Variants in CDC25A observed in about 807,000 individuals in gnomAD.
The protein encoded by CDC25A is cell division cycle 25A.
A neutral mutation model predicts 64.6 loss-of-function variants in CDC25A; 17 were observed. The observed-to-expected ratio is 0.26, with a 90% CI of 0.18 to 0.39. CDC25A has a LOEUF of 0.39. Among genes scored for constraint, CDC25A ranks in the 10% least tolerant of loss-of-function variants. The probability of loss-of-function intolerance (pLI) is 1.00; values close to 1 mark genes in which losing one functional copy is unlikely to be tolerated. For synonymous variants in CDC25A, 229 were observed against 238.6 expected (o/e 0.96, Z 0.37); for missense variants, 473 against 654.8 (o/e 0.72, Z 3.03).
chr3:48,186,587 A>T (rs2032852554), intron 2 of CDC25A, 116 bp downstream of exon 2: 3 of 597,640 alleles, frequency 5.0e-6, no homozygotes, highest in Admixed American at 3.1e-5. Flanking sequence ...AAAAAAAAAA[A>T]GTTTATCACC....
At position 48,158,787 on chromosome 3, in the gene CDC25A, A is replaced by G. The variant is rs2031629234; in HGVS notation, c.*158T>C. On this transcript the variant is annotated 3_prime_UTR_variant, in exon 15 of 15. Transcript: ENST00000302506. ...TAGCCAGCAAGATGCCCTGGGCTCC[A>G]ACCTTGGGAGTGTGGGAGGTAGGTT... is the stretch of plus-strand genomic sequence containing the variant. 8.1e-6 allele frequency: 7 copies of G among 861,200 alleles called. No homozygotes were observed. In the South Asian group the frequency reaches 1.2e-4, roughly 14 times the overall value. The allele number at this position is 861,200 out of a possible 1,614,324, so 53.3% of individuals were successfully genotyped here.
chr3:48,181,478 C>A, intron 5 of CDC25A: 1 of 759,274 alleles, frequency 1.3e-6, no homozygotes, highest in Non-Finnish European at 2.3e-6. Context: ...ATGGCTAGCA[C>A]TGGCGTGGGT....
chr3:48,180,713 G>T lies in CDC25A; in HGVS notation c.549+8C>A. On this transcript the variant is annotated splice_region_variant and intron_variant, in intron 6 of 14. Transcript: ENST00000302506. Reference sequence around the variant, plus strand: ...CAGGAATTCCCCTATGAAAGCCAGAGCACATACCATCCGAGCTGGGGCAGA... The same window carrying T: ...CAGGAATTCCCCTATGAAAGCCAGATCACATACCATCCGAGCTGGGGCAGA... The T allele has an allele frequency of 6.2e-7, 1 of 1,613,764 alleles. No homozygotes were observed. The highest frequency in any genetic ancestry group is 8.5e-7 in the Non-Finnish European group (1 of 1,179,766).
At chr3:48,165,350 C>T (rs921093389) in intron 12 of CDC25A, among the ~76,000 whole-genome samples, 1 of 151,950 alleles carries the variant, frequency 6.6e-6, no homozygotes, top group East Asian at 1.9e-4. Context: ...TCTTGTCCCC[C>T]GAATGACTTA....
chr3:48,167,955 TCAAA>T lies in CDC25A; in HGVS notation c.931-15_931-12del. On this transcript the variant is annotated splice_polypyrimidine_tract_variant and intron_variant, in intron 9 of 14. Transcript: ENST00000302506. Reference sequence around the variant, plus strand: ...AGACTGATGAAGAGTCTGTAACAAATCAAAGGTAGAGAATGAGACAAGGGTTCTG... The same window carrying T: ...AGACTGATGAAGAGTCTGTAACAAATGGTAGAGAATGAGACAAGGGTTCTG... 6.6e-7 allele frequency: 1 copy of T among 1,507,122 alleles called. No homozygotes were observed. Among genetic ancestry groups the T allele is most frequent in the Non-Finnish European group, 9.2e-7 (1 of 1,082,922 alleles). The allele number at this position is 1,507,122 out of a possible 1,614,324, so 93.4% of individuals were successfully genotyped here. A position where few individuals can be genotyped will look rare whatever the true frequency, so the allele number is the denominator to read the frequency against.
At chr3:48,162,297 T>TGTGAGAGA (rs1003124398) in intron 13 of CDC25A, among the ~76,000 whole-genome samples, 2 of 149,730 alleles carry the variant, frequency 1.3e-5, no homozygotes, top group African/African-American at 4.9e-5. Flanking sequence ...TGTGTGTGTG[T>TGTGAGAGA]GAGAGAGAGA....
intron 13 of CDC25A, among the ~76,000 whole-genome samples, chr3:48,163,465 G>A (rs919904524): frequency 1.3e-5 from 2 of 151,898 alleles, no homozygotes; most frequent in Non-Finnish European, 2.9e-5. Context: ...TTAGCCGGGC[G>A]TGATGGCGCA....
chr3:48,164,228 G>C, intron 13 of CDC25A, 79 bp downstream of exon 13: 1 of 1,357,160 alleles, frequency 7.4e-7, no homozygotes, highest in Admixed American at 2.8e-5. Context: ...TATGCTCCAA[G>C]TGCAAGCCAC....
intron 5 of CDC25A, among the ~76,000 whole-genome samples, chr3:48,181,176 T>G (rs3731506): frequency 1.1e-3 from 171 of 152,256 alleles, no homozygotes; most frequent in African/African-American, 4.0e-3. Context: ...GTTGTCAAAA[T>G]TTTCCATCTA....
intron 8 of CDC25A, among the ~76,000 whole-genome samples, chr3:48,177,010 TGTGA>T (rs913277884): frequency 6.6e-5 from 10 of 151,704 alleles, no homozygotes; most frequent in Admixed American, 2.0e-4. Flanking sequence ...AAAAAAATCC[TGTGA>T]GTTACTGTTG....
At chr3:48,170,511 T>C (rs986755634) in intron 9 of CDC25A, among the ~76,000 whole-genome samples, 4 of 152,322 alleles carry the variant, frequency 2.6e-5, no homozygotes, top group Admixed American at 2.6e-4. Flanking sequence ...AGAAGGGACA[T>C]GGAGCTGCCA....
intron 7 of CDC25A, 136 bp from the exon 8 acceptor site, chr3:48,177,578 C>A (rs1051596989): frequency 2.4e-5 from 17 of 721,308 alleles, no homozygotes; most frequent in Non-Finnish European, 4.0e-5. Context: ...CATCCTATAC[C>A]GTTCTGATTT....
Position 48,180,838 on chromosome 3 carries a change from T to G in CDC25A, c.432A>C (p.Glu144Asp), listed in dbSNP as rs757877366. The G allele has an allele frequency of 1.2e-6, 2 of 1,613,988 alleles. No individual in the cohort carries two copies. The highest frequency in any genetic ancestry group is 1.7e-5 in the Admixed American group (1 of 60,016). Reference sequence around the variant, plus strand: ...TTACTGGCTTCTTAAACTCAAAGGCTTCCTGCAAGACATAGTTGAGACATC... The same window carrying G: ...TTACTGGCTTCTTAAACTCAAAGGCGTCCTGCAAGACATAGTTGAGACATC... The part of the protein sequence containing the change: ...LIDPDENKEN[E>D]AFEFKKPVRP... Residue 144 changes from glutamate to aspartate, a missense_variant and splice_region_variant, in exon 6 of 15, where the codon GAA (glutamate) becomes GAC (aspartate). Transcript: ENST00000302506.
In CDC25A at chr3:48,183,841, A is replaced by G; in HGVS notation, c.291-5T>C. The G allele has an allele frequency of 6.4e-7, 1 of 1,555,084 alleles. No homozygotes were observed. Among genetic ancestry groups the G allele is most frequent in the Non-Finnish European group, 8.9e-7 (1 of 1,127,284 alleles). ...CTTCTCATAGGATTTTCAAGGCTGT[A>G]ATGAGATCAGAAGGTAAATAATGAG... On this transcript the variant is annotated splice_region_variant and splice_polypyrimidine_tract_variant and intron_variant, in intron 3 of 14. Transcript: ENST00000302506.
rs2032854181 is a variant in CDC25A, at chr3:48,186,618, G to A, written c.247+85C>T. 6.6e-6 allele frequency: 5 copies of A among 759,096 alleles called. No individual in the cohort carries two copies. The Admixed American group carries it at 1.2e-4, about 18-fold the overall frequency. 47.0% of individuals were successfully genotyped at this position (759,096 alleles called of 1,614,324 possible). A position where few individuals can be genotyped will look rare whatever the true frequency, so the allele number is the denominator to read the frequency against. On this transcript the variant is annotated intron_variant, in intron 2 of 14. Coordinates refer to ENST00000302506, the MANE Select transcript of CDC25A (RefSeq NM_001789.3). ...TCACCCAATGCCATGACTTCCTCAA[G>A]TTCTCACCAAAACTAACCTCCTGGG...
chr3:48,170,679 C>A (rs2106717664), intron 9 of CDC25A, among the ~76,000 whole-genome samples: 2 of 152,316 alleles, frequency 1.3e-5, no homozygotes, highest in East Asian at 3.9e-4. Context: ...CCTTTAGCCC[C>A]TCTCCTTTCC....
rs1020400639 is a variant in CDC25A at position 48,177,275 on chromosome 3, C to T, written c.756+96G>A. ...TAAAACCCAGATCCCCAAATCCTATCATGCATTTCAATCTTTGGCTATACT... is the reference window on the plus strand; with the variant it reads ...TAAAACCCAGATCCCCAAATCCTATTATGCATTTCAATCTTTGGCTATACT... On this transcript the variant is annotated intron_variant, in intron 8 of 14. Transcript: ENST00000302506. The T allele has an allele frequency of 2.4e-5, 22 of 931,940 alleles. No individual in the cohort carries two copies. In the African/African-American group the frequency reaches 3.3e-4, roughly 14 times the overall value. 57.7% of individuals were successfully genotyped at this position (931,940 alleles called of 1,614,324 possible).
chr3:48,174,658 T>A, intron 8 of CDC25A: 1 of 511,614 alleles, frequency 2.0e-6, no homozygotes, highest in South Asian at 2.9e-5. Flanking sequence ...GCTCAATGAA[T>A]ATATACTCAG....
At chr3:48,168,867 G>A (rs1372775662) in intron 9 of CDC25A, among the ~76,000 whole-genome samples, 1 of 152,184 alleles carries the variant, frequency 6.6e-6, no homozygotes, top group South Asian at 2.1e-4. Context: ...TGGCCAGATG[G>A]TCTTGAACTC....
Sources: allele counts gnomAD v4.1 joint callset (sites outside exome capture counted in the v4.1 genomes callset), GRCh38; gene constraint gnomAD v4.1.1; transcripts MANE v1.5; gene names NCBI Gene and HGNC (gene_info 2026-07-23, HGNC 2026-07-21).